GALNTL6: variants seen among roughly 807,000 people sequenced by gnomAD.
The protein encoded by GALNTL6 is polypeptide N-acetylgalactosaminyltransferase-like 6.
GALNTL6 carries 46 observed loss-of-function variants against 73.7 expected under a neutral mutation model. That is an observed-to-expected ratio of 0.62 (90% CI 0.49 to 0.80). The LOEUF (loss-of-function observed/expected upper bound fraction) is 0.80. Among genes scored for constraint, GALNTL6 ranks in the 30% least tolerant of loss-of-function variants. The probability of loss-of-function intolerance (pLI) is 0.00; values close to 1 mark genes in which losing one functional copy is unlikely to be tolerated. For missense variants in GALNTL6, 604 were observed against 755.0 expected (o/e 0.80, Z 2.34); for synonymous variants, 259 against 263.7 (o/e 0.98, Z 0.17).
chr4:172,132,152 A>T (rs1733515685), intron 2 of GALNTL6, among the ~76,000 whole-genome samples: 1 of 151,972 alleles, frequency 6.6e-6, no homozygotes, highest in Non-Finnish European at 1.5e-5. Flanking sequence ...CAAAAACACA[A>T]ACAGTTTCTT....
chr4:172,528,965 G>GTATA (rs1735071464), intron 5 of GALNTL6, among the ~76,000 whole-genome samples: 1 of 34,488 alleles, frequency 2.9e-5, no homozygotes, highest in Admixed American at 4.3e-4. Context: ...ATATATATAT[G>GTATA]TGTGTGTATA....
At chr4:172,294,017 A>C (rs991529215) in intron 3 of GALNTL6, among the ~76,000 whole-genome samples, 1 of 151,570 alleles carries the variant, frequency 6.6e-6, no homozygotes, top group Non-Finnish European at 1.5e-5. Flanking sequence ...ATTTAGGATC[A>C]CAGCCTCTAT....
At chr4:172,447,021 A>G (rs1732048074) in intron 5 of GALNTL6, among the ~76,000 whole-genome samples, 1 of 152,156 alleles carries the variant, frequency 6.6e-6, no homozygotes, top group South Asian at 2.1e-4. Flanking sequence ...TGGTAACCCA[A>G]AGATTAGTGG....
chr4:172,323,909 G>A (rs1740845971), intron 4 of GALNTL6, among the ~76,000 whole-genome samples: 1 of 151,958 alleles, frequency 6.6e-6, no homozygotes, highest in Non-Finnish European at 1.5e-5. Context: ...TTTTGAATTG[G>A]TGTCCTTTCC....
At chr4:172,248,472 G>C (rs1052893401) in intron 3 of GALNTL6, among the ~76,000 whole-genome samples, 1 of 152,136 alleles carries the variant, frequency 6.6e-6, no homozygotes, top group South Asian at 2.1e-4. Flanking sequence ...GCATATGACT[G>C]TCTAGAACAG....
chr4:172,942,242 AT>A (rs1225005687), intron 9 of GALNTL6, among the ~76,000 whole-genome samples: 5 of 152,214 alleles, frequency 3.3e-5, no homozygotes, highest in Admixed American at 1.3e-4. Flanking sequence ...TGTCATGGGC[AT>A]TTAGAAACAT....
chr4:172,405,378 TTATTCC>T (rs1290416169), intron 5 of GALNTL6, among the ~76,000 whole-genome samples: 1 of 145,166 alleles, frequency 6.9e-6, no homozygotes, highest in Non-Finnish European at 1.5e-5. Flanking sequence ...ATATATATAC[TTATTCC>T]TATTCCTACT....
intron 2 of GALNTL6, among the ~76,000 whole-genome samples, chr4:172,168,952 A>G (rs1186674144): frequency 6.6e-6 from 1 of 152,220 alleles, no homozygotes; most frequent in Admixed American, 6.5e-5. Flanking sequence ...CTCTTGAAAT[A>G]TTCTTTGAGG....
intron 5 of GALNTL6, among the ~76,000 whole-genome samples, chr4:172,592,603 A>T (rs944639504): frequency 2.6e-5 from 4 of 152,150 alleles, no homozygotes; most frequent in African/African-American, 9.7e-5. Flanking sequence ...TTAGCACTAA[A>T]GTTTGAGAGC....
At chr4:172,799,384 C>G (rs1740478136) in intron 5 of GALNTL6, among the ~76,000 whole-genome samples, 1 of 152,140 alleles carries the variant, frequency 6.6e-6, no homozygotes, top group Admixed American at 6.6e-5. Flanking sequence ...GGTCCCGACA[C>G]TTTGATGTCT....
intron 3 of GALNTL6, among the ~76,000 whole-genome samples, chr4:172,235,000 T>C (rs1737193143): frequency 6.6e-6 from 1 of 152,194 alleles, no homozygotes; most frequent in African/African-American, 2.4e-5. Flanking sequence ...ATTATCTATT[T>C]CTTCTGGAAT....
chr4:172,582,162 A>G (rs1476511943), intron 5 of GALNTL6, among the ~76,000 whole-genome samples: 1 of 152,208 alleles, frequency 6.6e-6, no homozygotes, highest in Non-Finnish European at 1.5e-5. Context: ...TTGTGATGAC[A>G]ACACAAGGTA....
intron 3 of GALNTL6, among the ~76,000 whole-genome samples, chr4:172,234,377 CCTGT>C (rs1192353249): frequency 2.0e-5 from 3 of 152,086 alleles, no homozygotes; most frequent in South Asian, 4.2e-4. Context: ...ATTTTATCTG[CCTGT>C]CTATTGTTAG....
intron 2 of GALNTL6, among the ~76,000 whole-genome samples, chr4:172,024,503 A>G (rs1203882436): frequency 6.6e-6 from 1 of 151,912 alleles, no homozygotes; most frequent in Non-Finnish European, 1.5e-5. Flanking sequence ...CATTTTGCCT[A>G]TTTAAGGAGA....
intron 5 of GALNTL6, among the ~76,000 whole-genome samples, chr4:172,466,183 T>C (rs1732810558): frequency 6.6e-6 from 1 of 152,150 alleles, no homozygotes; most frequent in Admixed American, 6.5e-5. Context: ...TGGCAAGAAT[T>C]AATCCAAAGC....
At chr4:172,920,098 A>G (rs1001616933) in intron 8 of GALNTL6, among the ~76,000 whole-genome samples, 2 of 152,212 alleles carry the variant, frequency 1.3e-5, no homozygotes, top group Admixed American at 6.5e-5. Flanking sequence ...TCTGACTTAG[A>G]AAAAATTCTA....
At chr4:172,572,588 C>T (rs1161609991) in intron 5 of GALNTL6, among the ~76,000 whole-genome samples, 1 of 152,158 alleles carries the variant, frequency 6.6e-6, no homozygotes, top group East Asian at 1.9e-4. Context: ...ACATGTGACT[C>T]TAAAAGTCTT....
intron 2 of GALNTL6, among the ~76,000 whole-genome samples, chr4:172,117,851 A>C (rs1239555881): frequency 6.6e-6 from 1 of 152,196 alleles, no homozygotes; most frequent in Non-Finnish European, 1.5e-5. Flanking sequence ...AAATAGGAAA[A>C]CTAAACTAAA....
chr4:172,106,070 C>T (rs777147707), intron 2 of GALNTL6, among the ~76,000 whole-genome samples: 1 of 152,096 alleles, frequency 6.6e-6, no homozygotes, highest in Non-Finnish European at 1.5e-5. Context: ...GGGTGTTAAA[C>T]ACAGATGTGA....
Sources: gnomAD v4.1 joint callset for allele counts (sites outside exome capture counted in the v4.1 genomes callset) on GRCh38, gnomAD v4.1.1 for gene constraint, MANE v1.5 for transcripts, NCBI Gene and HGNC (gene_info 2026-07-23, HGNC 2026-07-21) for gene names.